The following MMP3 variants were observed in gnomAD, a reference collection of about 807,000 sequenced individuals.
MMP3 encodes the protein stromelysin-1.
A neutral mutation model predicts 47.3 loss-of-function variants in MMP3; 46 were observed. The observed-to-expected ratio is 0.97, with a 90% CI of 0.77 to 1.24. The LOEUF is 1.24. MMP3 is among the 50% of genes most tolerant of loss of function. MMP3 has a pLI of 0.00. For missense variants in MMP3, 558 were observed against 565.5 expected (o/e 0.99, Z 0.13); for synonymous variants, 216 against 206.5 (o/e 1.05, Z -0.39).
At position 102,837,644 on chromosome 11, in the gene MMP3, A is replaced by G. The variant is rs1160691308; in HGVS notation, c.1230-243T>C. On this transcript the variant is annotated intron_variant, in intron 8 of 9. Coordinates refer to ENST00000299855, the MANE Select transcript of MMP3 (RefSeq NM_002422.5). This position sits in a 1 kb window ranked among gnomAD's most constrained non-coding sequence, Gnocchi z 4.4. ...TATGTAGCACATGCTGTTTGTCATCATATTTCTTAAGCCTGGACAGAAAGA... is the reference window on the plus strand; with the variant it reads ...TATGTAGCACATGCTGTTTGTCATCGTATTTCTTAAGCCTGGACAGAAAGA... Among the ~76,000 whole-genome samples the G allele has an allele frequency of 2.0e-5, 3 of 152,144 alleles. No individual in the cohort carries two copies. The highest frequency in any genetic ancestry group is 4.4e-5 in the Non-Finnish European group (3 of 68,038).
chr11:102,843,510 C>T lies in MMP3; in HGVS notation c.37G>A (p.Ala13Thr), dbSNP rs1437252982. ...TCCAATGGATAGGCTGAGCAAACTG[C>T]CACGCACAGCAACAGTAGGATTGGA... ...SLPILLLLCV[A>T]VCSAYPLDGA... Residue 13 changes from alanine to threonine, a missense_variant, in exon 1 of 10, where the codon GCA becomes ACA. Transcript: ENST00000299855. 6.2e-7 allele frequency: 1 copy of T among 1,613,586 alleles called. No homozygotes were observed. The highest frequency in any genetic ancestry group is 8.5e-7 in the Non-Finnish European group (1 of 1,179,752).
chr11:102,842,404 C>CTTTTTTTTTTTTTTTTTTTTGTTTTT, intron 3 of MMP3, 27 bp downstream of exon 3: 1 of 810,714 alleles, frequency 1.2e-6, no homozygotes, highest in Non-Finnish European at 1.6e-6. Context: ...TTTTGTTTTG[C>CTTTTTTTTTTTTTTTTTTTTGTTTTT]TTTTTTTTTT....
Position 102,836,003 on chromosome 11 carries a change from CT to C in MMP3, c.*122del, listed in dbSNP as rs1858873402. The stretch of plus-strand genomic sequence containing the variant: ...AGATACAGATTCACGCTCAAGTTCC[CT>C]TGAGTGTGACTCGAGTCACAGCACA... On this transcript the variant is annotated 3_prime_UTR_variant, in exon 10 of 10. Transcript: ENST00000299855. This position sits in a 1 kb window ranked among gnomAD's most constrained non-coding sequence, Gnocchi z 4.6. 5 of 720,196 alleles carry C rather than the reference CT, an allele frequency of 6.9e-6. No homozygotes were observed. The Admixed American group carries it at 1.2e-4, about 18-fold the overall frequency. 44.6% of individuals were successfully genotyped at this position (720,196 alleles called of 1,614,324 possible).
Position 102,843,525 on chromosome 11 carries a change from G to A in MMP3, c.22C>T (p.Leu8=). The A allele has an allele frequency of 3.7e-6, 6 of 1,613,334 alleles. No individual in the cohort carries two copies. The highest frequency in any genetic ancestry group is 4.5e-5 in the East Asian group (2 of 44,882). The part of the protein sequence containing the change: MKSLPIL[L]LLCVAVCSAY... ...GAGCAAACTGCCACGCACAGCAACAGTAGGATTGGAAGACTCTTCATTTCC... is the reference window on the plus strand; with the variant it reads ...GAGCAAACTGCCACGCACAGCAACAATAGGATTGGAAGACTCTTCATTTCC... The change falls in exon 1 of 10, where the codon CTG becomes TTG. Residue 8 remains leucine, a synonymous_variant. Coordinates refer to ENST00000299855, the MANE Select transcript of MMP3 (RefSeq NM_002422.5).
chr11:102,838,143 C>A (rs1239083550), intron 8 of MMP3, among the ~76,000 whole-genome samples: 3 of 151,998 alleles, frequency 2.0e-5, no homozygotes, highest in Admixed American at 6.6e-5. Flanking sequence ...AGACAGTGAG[C>A]CAAACTAAAA....
rs1300996167 is a variant in MMP3 at position 102,842,704 on chromosome 11, G to C, written c.318C>G (p.Ile106Met). The C allele has an allele frequency of 2.2e-5, 35 of 1,613,848 alleles. No individual in the cohort carries two copies. Among genetic ancestry groups the C allele is most frequent in the Non-Finnish European group, 2.9e-5 (34 of 1,179,994 alleles). Residue 106 changes from isoleucine (I) to methionine (M), a missense_variant, in exon 2 of 10, where the codon ATC becomes ATG. Coordinates refer to ENST00000299855, the MANE Select transcript of MMP3 (RefSeq NM_002422.5). ...TAAGGTGGGTTTTCCTCCACTTCGG[G>C]ATGCCAGGAAAGGTTCTGAAGTGAC... is the stretch of plus-strand genomic sequence containing the variant. ...DVGHFRTFPG[I>M]PKWRKTHLTY... is the part of the protein sequence containing the mutation.
At position 102,843,519 on chromosome 11, in the gene MMP3, G is replaced by A. The variant is rs1555005957; in HGVS notation, c.28C>T (p.Leu10=). 3 of 1,613,364 alleles carry A rather than the reference G, an allele frequency of 1.9e-6. No individual in the cohort carries two copies. Among genetic ancestry groups the A allele is most frequent in the African/African-American group, 1.3e-5 (1 of 74,884 alleles). The stretch of plus-strand genomic sequence containing the variant: ...TAGGCTGAGCAAACTGCCACGCACA[G>A]CAACAGTAGGATTGGAAGACTCTTC... The part of the protein sequence containing the change: MKSLPILLL[L]CVAVCSAYPL... The change falls in exon 1 of 10, where the codon CTG becomes TTG. Residue 10 remains leucine, a synonymous_variant. Transcript: ENST00000299855.
intron 4 of MMP3, 96 bp downstream of exon 4, chr11:102,842,058 C>A: frequency 8.0e-7 from 1 of 1,249,894 alleles, no homozygotes; most frequent in Non-Finnish European, 1.1e-6. Context: ...CTGGAAAATC[C>A]AGAACATCTC....
chr11:102,840,688 AACC>A, intron 4 of MMP3, 95 bp from the exon 5 acceptor site: 1 of 1,289,912 alleles, frequency 7.8e-7, no homozygotes, highest in Non-Finnish European at 1.1e-6. Flanking sequence ...TACTTCTTGG[AACC>A]ACACAGGGCT....
Position 102,836,014 on chromosome 11 carries a change from C to A in MMP3, c.*112G>T. 1 of 783,084 alleles carries A rather than the reference C, an allele frequency of 1.3e-6. No individual in the cohort carries two copies. Among genetic ancestry groups the A allele is most frequent in the Non-Finnish European group, 2.1e-6 (1 of 468,856 alleles). The allele number at this position is 783,084 out of a possible 1,614,324, so 48.5% of individuals were successfully genotyped here. A position where few individuals can be genotyped will look rare whatever the true frequency, so the allele number is the denominator to read the frequency against. Reference sequence around the variant, plus strand: ...CACGCTCAAGTTCCCTTGAGTGTGACTCGAGTCACAGCACAGGCAGGAGAA... The same window carrying A: ...CACGCTCAAGTTCCCTTGAGTGTGAATCGAGTCACAGCACAGGCAGGAGAA... On this transcript the variant is annotated 3_prime_UTR_variant, in exon 10 of 10. Coordinates refer to ENST00000299855, the MANE Select transcript of MMP3 (RefSeq NM_002422.5). This position sits in a 1 kb window ranked among gnomAD's most constrained non-coding sequence, Gnocchi z 4.6.
intron 4 of MMP3, among the ~76,000 whole-genome samples, chr11:102,841,205 T>C (rs1156438009): frequency 6.6e-6 from 1 of 152,208 alleles, no homozygotes; most frequent in Non-Finnish European, 1.5e-5. Context: ...ACTGGCTTTA[T>C]TCAAAATTTT....
chr11:102,842,317 A>G (rs782050976), intron 3 of MMP3, 38 bp from the exon 4 acceptor site: 1 of 1,584,186 alleles, frequency 6.3e-7, no homozygotes, highest in Non-Finnish European at 8.6e-7. Context: ...ATATGTAACA[A>G]GGATCCCTTT....
intron 4 of MMP3, 152 bp from the exon 5 acceptor site, chr11:102,840,745 C>T: frequency 1.3e-6 from 1 of 740,968 alleles, no homozygotes. Flanking sequence ...TGACTAATTA[C>T]ACACTTAATG....
intron 4 of MMP3, among the ~76,000 whole-genome samples, chr11:102,841,112 T>C (rs965647596): frequency 6.6e-5 from 10 of 152,232 alleles, no homozygotes; most frequent in East Asian, 1.9e-4. Context: ...ATAGATGTCA[T>C]AGGATTTGCA....
At position 102,836,318 on chromosome 11, in the gene MMP3, T is replaced by C. The variant is rs905544480; in HGVS notation, c.1334-92A>G. The C allele has an allele frequency of 6.2e-6, 6 of 967,154 alleles. No homozygotes were observed. The South Asian group carries it at 8.5e-5, about 14-fold the overall frequency. The allele number at this position is 967,154 out of a possible 1,614,324, so 59.9% of individuals were successfully genotyped here. ...ACTCAGAATCATAGAGAACTAAAAA[T>C]AGAAAGTGTTTATAGAGCTTTACTT... is the stretch of plus-strand genomic sequence containing the variant. On this transcript the variant is annotated intron_variant, in intron 9 of 9. Coordinates refer to ENST00000299855, the MANE Select transcript of MMP3 (RefSeq NM_002422.5). The surrounding 1 kb of genome is among the most constrained non-coding windows in gnomAD (Gnocchi z 4.6).
rs782127556 is a variant in MMP3, at chr11:102,842,739, G to T, written c.283C>A (p.Pro95Thr). 17 of 1,613,802 alleles carry T rather than the reference G, an allele frequency of 1.1e-5. No individual in the cohort carries two copies. The South Asian group carries it at 1.9e-4, about 18-fold the overall frequency. The change falls in exon 2 of 10, where the codon CCT (proline) becomes ACT (threonine). Residue 95 changes from proline to threonine, a missense_variant. Physicochemically the swap from Pro to Thr is conservative, Grantham distance 38. Coordinates refer to ENST00000299855, the MANE Select transcript of MMP3 (RefSeq NM_002422.5). Reference protein sequence around the residue: ...EVMRKPRCGVPDVGHFRTFPG... With the variant: ...EVMRKPRCGVTDVGHFRTFPG... ...AAGGTTCTGAAGTGACCAACATCAG[G>T]AACTCCACACCTGGGCTTGCGCATC...
At chr11:102,838,390 T>C (rs1420973884) in intron 8 of MMP3, among the ~76,000 whole-genome samples, 161 bp downstream of exon 8, 1 of 151,998 alleles carries the variant, frequency 6.6e-6, no homozygotes, top group Non-Finnish European at 1.5e-5. Flanking sequence ...GAGCCTAAGG[T>C]GCTGCTGTTT....
rs1045496106 is a variant in MMP3, at chr11:102,836,552, G to A, written c.1334-326C>T. On this transcript the variant is annotated intron_variant, in intron 9 of 9. Coordinates refer to ENST00000299855, the MANE Select transcript of MMP3 (RefSeq NM_002422.5). The surrounding 1 kb of genome is among the most constrained non-coding windows in gnomAD (Gnocchi z 4.6). ...GTCTGAAAACACAGCCAGATTCCAG[G>A]TTACAGGGTTATTCTGCTTCCGATC... The A allele has an allele frequency of 2.0e-6, 1 of 497,810 alleles. No individual in the cohort carries two copies. The highest frequency in any genetic ancestry group is 2.0e-5 in the African/African-American group (1 of 51,264). 30.8% of individuals were successfully genotyped at this position (497,810 alleles called of 1,614,324 possible). A position where few individuals can be genotyped will look rare whatever the true frequency, so the allele number is the denominator to read the frequency against.
Position 102,836,008 on chromosome 11 carries a change from G to A in MMP3, c.*118C>T, listed in dbSNP as rs1360359510. The stretch of plus-strand genomic sequence containing the variant: ...CAGATTCACGCTCAAGTTCCCTTGA[G>A]TGTGACTCGAGTCACAGCACAGGCA... On this transcript the variant is annotated 3_prime_UTR_variant, in exon 10 of 10. Coordinates refer to ENST00000299855, the MANE Select transcript of MMP3 (RefSeq NM_002422.5). The surrounding 1 kb of genome is among the most constrained non-coding windows in gnomAD (Gnocchi z 4.6). 1 of 735,508 alleles carries A rather than the reference G, an allele frequency of 1.4e-6. No homozygotes were observed. Among genetic ancestry groups the A allele is most frequent in the Non-Finnish European group, 2.3e-6 (1 of 429,682 alleles). 45.6% of individuals were successfully genotyped at this position (735,508 alleles called of 1,614,324 possible).
Sources: gnomAD v4.1 joint callset for allele counts (sites outside exome capture counted in the v4.1 genomes callset) on GRCh38, gnomAD v4.1.1 for gene constraint, Gnocchi (gnomAD v3.1) non-coding constraint, MANE v1.5 for transcripts, NCBI Gene and HGNC (gene_info 2026-07-23, HGNC 2026-07-21) for gene names.